TBC1D19: variants seen among roughly 807,000 people sequenced by gnomAD.
The protein encoded by TBC1D19 is TBC1 domain family member 19.
Under a neutral mutation model 89.0 loss-of-function variants are expected in TBC1D19, and 60 were observed. The ratio of observed to expected loss-of-function variants is 0.67; its 90% CI spans 0.55 to 0.84. TBC1D19 has a LOEUF of 0.84. Ranked by LOEUF, TBC1D19 falls within the 40% of genes least tolerant of loss-of-function variation. The pLI is 0.00. For synonymous variants in TBC1D19, 189 were observed against 199.7 expected, an observed-to-expected ratio of 0.95 and a Z score of 0.45; for missense variants, 500 against 610.8, an observed-to-expected ratio of 0.82 and a Z score of 1.91.
intron 17 of TBC1D19, among the ~76,000 whole-genome samples, chr4:26,740,225 T>A (rs1718274460): frequency 6.6e-6 from 1 of 152,204 alleles, no homozygotes; most frequent in East Asian, 1.9e-4. Context: ...ATTAAAAAAA[T>A]TAGAATGTCT....
chr4:26,732,159 C>CCCCTTG (rs1178158676), intron 15 of TBC1D19, among the ~76,000 whole-genome samples: 1 of 152,182 alleles, frequency 6.6e-6, no homozygotes, highest in Non-Finnish European at 1.5e-5. Context: ...GATACACCCA[C>CCCCTTG]CCCTTGCTTC....
chr4:26,791,413 C>T, the TBC1D19 span, among the ~76,000 whole-genome samples: 1 of 152,064 alleles, frequency 6.6e-6, no homozygotes, highest in Non-Finnish European at 1.5e-5. Flanking sequence ...CCTTGAGGAC[C>T]AGCTGGCTTT....
chr4:26,757,625 A>G (rs1444613416), downstream of TBC1D19, among the ~76,000 whole-genome samples: 1 of 152,136 alleles, frequency 6.6e-6, no homozygotes, highest in African/African-American at 2.4e-5. Context: ...GCTAATAGAA[A>G]TTTCCAGCTT....
intron 1 of TBC1D19, among the ~76,000 whole-genome samples, chr4:26,590,808 T>C: frequency 9.0e-6 from 1 of 111,144 alleles, no homozygotes; most frequent in East Asian, 2.5e-4. Context: ...TTTTTTTTTT[T>C]TTTTTTTTTT....
At chr4:26,787,485 C>T in the TBC1D19 span, among the ~76,000 whole-genome samples, 7 of 152,036 alleles carry the variant, frequency 4.6e-5, no homozygotes, top group East Asian at 3.9e-4. Context: ...AAGAAAGGAC[C>T]GGATGGAGAT....
chr4:26,748,743 C>G (rs1718786381), intron 19 of TBC1D19, among the ~76,000 whole-genome samples: 1 of 152,208 alleles, frequency 6.6e-6, no homozygotes, highest in African/African-American at 2.4e-5. Flanking sequence ...AGTCTTTCTT[C>G]CCAGCTCCCA....
intron 1 of TBC1D19, among the ~76,000 whole-genome samples, chr4:26,594,981 G>T (rs1482117403): frequency 6.6e-6 from 1 of 152,214 alleles, no homozygotes; most frequent in African/African-American, 2.4e-5. Flanking sequence ...GATAGATTGC[G>T]TGGTAAGAGA....
intron 11 of TBC1D19, among the ~76,000 whole-genome samples, chr4:26,677,213 A>G (rs560030277): frequency 1.4e-4 from 21 of 152,192 alleles, no homozygotes; most frequent in Admixed American, 5.9e-4. Flanking sequence ...ACTCCTAAAC[A>G]TGTTTCACTA....
chr4:26,760,689 C>T (rs1719430352), downstream of TBC1D19, among the ~76,000 whole-genome samples: 1 of 152,140 alleles, frequency 6.6e-6, no homozygotes, highest in African/African-American at 2.4e-5. Context: ...AGTTAATATT[C>T]TTAACTGTCT....
At chr4:26,772,445 G>T in the TBC1D19 span, among the ~76,000 whole-genome samples, 19 of 131,386 alleles carry the variant, frequency 1.4e-4, no homozygotes, top group East Asian at 1.5e-3. Flanking sequence ...TTTTCTGGGT[G>T]GGGGGGAGCC....
chr4:26,664,061 A>G (rs1335554518), intron 8 of TBC1D19, among the ~76,000 whole-genome samples: 1 of 152,212 alleles, frequency 6.6e-6, no homozygotes, highest in Non-Finnish European at 1.5e-5. Flanking sequence ...CCCTGTGCCA[A>G]GTAGTAAAGC....
rs1560515271 is a variant in TBC1D19 at position 26,755,541 on chromosome 4, C to G, written c.*594C>G. On this transcript the variant is annotated 3_prime_UTR_variant, in exon 21 of 21. Coordinates refer to ENST00000264866, the MANE Select transcript of TBC1D19 (RefSeq NM_018317.4). ...TTATTTCTCTCTTTAAACATCTCTA[C>G]TGGGGAAGGTCGAATACAATTGTCT... Among the ~76,000 whole-genome samples the G allele has an allele frequency of 6.6e-6, 1 of 152,112 alleles. No homozygotes were observed. The highest frequency in any genetic ancestry group is 1.5e-5 in the Non-Finnish European group (1 of 67,994).
At chr4:26,722,141 A>G (rs1053004277) in intron 15 of TBC1D19, among the ~76,000 whole-genome samples, 3 of 152,124 alleles carry the variant, frequency 2.0e-5, no homozygotes, top group Admixed American at 1.3e-4. Flanking sequence ...CTAGCATGTA[A>G]TAGGACTGTA....
chr4:26,658,395 G>A (rs182190155), intron 7 of TBC1D19, among the ~76,000 whole-genome samples: 2 of 152,258 alleles, frequency 1.3e-5, no homozygotes, highest in Admixed American at 6.5e-5. Context: ...TCAGATGGTT[G>A]TAGATGTGTG....
chr4:26,679,521 C>A (rs1372661509), intron 11 of TBC1D19, among the ~76,000 whole-genome samples: 1 of 152,162 alleles, frequency 6.6e-6, no homozygotes, highest in African/African-American at 2.4e-5. Context: ...TCATGGAGAA[C>A]CTCTGGTAGG....
chr4:26,689,151 A>G (rs1001994454), intron 13 of TBC1D19, among the ~76,000 whole-genome samples: 2 of 152,088 alleles, frequency 1.3e-5, no homozygotes, highest in African/African-American at 4.8e-5. Context: ...AAGCATCTTC[A>G]AGAAGGTTTA....
At chr4:26,748,147 A>G (rs1718753478) in intron 18 of TBC1D19, among the ~76,000 whole-genome samples, 1 of 152,186 alleles carries the variant, frequency 6.6e-6, no homozygotes, top group African/African-American at 2.4e-5. Flanking sequence ...AGAATGTAGA[A>G]ATGGGTTTTA....
the TBC1D19 span, among the ~76,000 whole-genome samples, chr4:26,780,135 T>A: frequency 6.6e-6 from 1 of 152,204 alleles, no homozygotes; most frequent in Non-Finnish European, 1.5e-5. Flanking sequence ...TGTCTAGCTT[T>A]GACAGGAAAG....
intron 7 of TBC1D19, among the ~76,000 whole-genome samples, chr4:26,656,696 C>T (rs1235812759): frequency 2.6e-5 from 4 of 151,702 alleles, no homozygotes; most frequent in African/African-American, 9.7e-5. Context: ...GTAGCTGGAA[C>T]TACAGGAGCA....
Sources: gnomAD v4.1 joint callset for allele counts (sites outside exome capture counted in the v4.1 genomes callset) on GRCh38, gnomAD v4.1.1 for gene constraint, MANE v1.5 for transcripts, NCBI Gene and HGNC (gene_info 2026-07-23, HGNC 2026-07-21) for gene names.